The following PLCL1 variants were observed in gnomAD, a reference collection of about 807,000 sequenced individuals.
PLCL1 encodes the protein phospholipase C like 1 (inactive).
Under a neutral mutation model 84.4 loss-of-function variants are expected in PLCL1, and 41 were observed. That is an observed-to-expected ratio of 0.49 (90% CI 0.38 to 0.63). The LOEUF (loss-of-function observed/expected upper bound fraction) is 0.63. Ranked by LOEUF, PLCL1 falls within the 30% of genes least tolerant of loss-of-function variation. The pLI, the probability that PLCL1 is intolerant of heterozygous loss-of-function variation, is 0.00. For missense variants in PLCL1, 1,206 were observed against 1,367.8 expected (o/e 0.88, Z 1.87); for synonymous variants, 490 against 488.3 (o/e 1.00, Z -0.05).
intron 2 of PLCL1, among the ~76,000 whole-genome samples, chr2:198,087,809 C>T (rs1692921354): frequency 6.6e-6 from 1 of 152,008 alleles, no homozygotes; most frequent in Non-Finnish European, 1.5e-5. Context: ...ATATATATAC[C>T]TACTATGTAC....
intron 1 of PLCL1, among the ~76,000 whole-genome samples, chr2:197,904,335 G>T (rs927795469): frequency 2.0e-5 from 3 of 151,916 alleles, no homozygotes; most frequent in Non-Finnish European, 4.4e-5. Context: ...TCTTTATTCC[G>T]TTGTTTTTCT....
At chr2:197,980,901 A>G (rs1213465535) in intron 1 of PLCL1, among the ~76,000 whole-genome samples, 1 of 152,208 alleles carries the variant, frequency 6.6e-6, no homozygotes, top group East Asian at 1.9e-4. Context: ...TGCAGTTATA[A>G]TGGAGCTGAA....
chr2:197,841,091 C>T (rs1207705999), intron 1 of PLCL1, among the ~76,000 whole-genome samples: 1 of 152,170 alleles, frequency 6.6e-6, no homozygotes, highest in Non-Finnish European at 1.5e-5. Context: ...CCCATATACT[C>T]CTCATATCCA....
At chr2:197,826,264 G>GCAC (rs1251587423) in intron 1 of PLCL1, among the ~76,000 whole-genome samples, 9 of 152,150 alleles carry the variant, frequency 5.9e-5, no homozygotes, top group Non-Finnish European at 1.2e-4. Flanking sequence ...CATCTGGCAT[G>GCAC]GGTGGCCTAT....
At chr2:198,080,688 A>G (rs961149560) in intron 1 of PLCL1, among the ~76,000 whole-genome samples, 3 of 152,224 alleles carry the variant, frequency 2.0e-5, no homozygotes, top group Non-Finnish European at 4.4e-5. Flanking sequence ...TCTTGGCTGT[A>G]GTCATCAGCA....
At chr2:197,998,216 T>TGTGTGTGTGTGA (rs1288667570) in intron 1 of PLCL1, among the ~76,000 whole-genome samples, 10 of 149,192 alleles carry the variant, frequency 6.7e-5, no homozygotes, top group African/African-American at 2.0e-4. Context: ...TGTGTGTGTG[T>TGTGTGTGTGTGA]GATATGAGAT....
chr2:197,845,700 A>G (rs1408719196), intron 1 of PLCL1, among the ~76,000 whole-genome samples: 2 of 152,134 alleles, frequency 1.3e-5, no homozygotes, highest in Non-Finnish European at 2.9e-5. Context: ...GTAGGTGATT[A>G]TATTTCCTAC....
At chr2:198,121,684 C>A (rs1049516928) in intron 5 of PLCL1, among the ~76,000 whole-genome samples, 1 of 151,912 alleles carries the variant, frequency 6.6e-6, no homozygotes, top group Non-Finnish European at 1.5e-5. Context: ...TTTATGCCAG[C>A]ACCATCCAGT....
At chr2:198,099,132 C>T (rs373322410) in intron 3 of PLCL1, among the ~76,000 whole-genome samples, 7 of 152,216 alleles carry the variant, frequency 4.6e-5, no homozygotes, top group African/African-American at 1.7e-4. Context: ...TAAATCAGGC[C>T]ACTGCCAGAT....
At chr2:198,133,356 C>T (rs1395876274) in intron 5 of PLCL1, among the ~76,000 whole-genome samples, 27 of 129,972 alleles carry the variant, frequency 2.1e-4, no homozygotes, top group Non-Finnish European at 3.4e-4. Context: ...AAGGGGAATA[C>T]CACACTCTGG....
chr2:197,909,526 C>T (rs1218591899), intron 1 of PLCL1, among the ~76,000 whole-genome samples: 1 of 152,108 alleles, frequency 6.6e-6, no homozygotes, highest in East Asian at 1.9e-4. Context: ...GGCCCACTTC[C>T]TCCTCATGGC....
chr2:197,892,300 A>C (rs920451800), intron 1 of PLCL1, among the ~76,000 whole-genome samples: 2 of 152,206 alleles, frequency 1.3e-5, no homozygotes, highest in East Asian at 3.8e-4. Context: ...TCCAAAGGAA[A>C]CAGTAATGCT....
At chr2:198,140,047 C>CCTCA (rs1277178889) in intron 5 of PLCL1, among the ~76,000 whole-genome samples, 1 of 152,104 alleles carries the variant, frequency 6.6e-6, no homozygotes. Context: ...AATTTTCCTG[C>CCTCA]CTCAGCCTCC....
At chr2:197,916,564 C>T (rs1688603903) in intron 1 of PLCL1, among the ~76,000 whole-genome samples, 1 of 151,952 alleles carries the variant, frequency 6.6e-6, no homozygotes, top group Non-Finnish European at 1.5e-5. Context: ...ATAGTTAGCA[C>T]TCAATATATA....
At chr2:197,978,742 C>G (rs1333469779) in intron 1 of PLCL1, among the ~76,000 whole-genome samples, 1 of 152,226 alleles carries the variant, frequency 6.6e-6, no homozygotes, top group Non-Finnish European at 1.5e-5. Context: ...AAGGTGGGAA[C>G]CAACCCTGGC....
intron 1 of PLCL1, among the ~76,000 whole-genome samples, chr2:197,863,162 C>T (rs1287909217): frequency 1.8e-4 from 25 of 138,528 alleles, no homozygotes; most frequent in Non-Finnish European, 2.6e-4. Context: ...TTTCTTAAAG[C>T]GTTTTTTTTT....
chr2:197,933,997 A>G (rs1033644805), intron 1 of PLCL1, among the ~76,000 whole-genome samples: 1 of 152,184 alleles, frequency 6.6e-6, no homozygotes, highest in African/African-American at 2.4e-5. Flanking sequence ...TGCTCCCGGA[A>G]ATCTGTACGG....
intron 3 of PLCL1, among the ~76,000 whole-genome samples, chr2:198,090,334 A>G (rs562900411): frequency 1.3e-5 from 2 of 151,888 alleles, no homozygotes; most frequent in South Asian, 2.1e-4. Flanking sequence ...GCAGGTTATT[A>G]ATAGTGAATG....
intron 1 of PLCL1, among the ~76,000 whole-genome samples, chr2:197,843,732 G>T (rs1687062847): frequency 1.3e-5 from 2 of 152,132 alleles, no homozygotes; most frequent in Admixed American, 1.3e-4. Flanking sequence ...CTTCCAAATT[G>T]AAAGATTCCC....
Sources: gnomAD v4.1 joint callset for allele counts (sites outside exome capture counted in the v4.1 genomes callset) on GRCh38, gnomAD v4.1.1 for gene constraint, MANE v1.5 for transcripts, NCBI Gene and HGNC (gene_info 2026-07-23, HGNC 2026-07-21) for gene names.